Variants in PTPRB observed in about 807,000 individuals in gnomAD.
PTPRB encodes protein tyrosine phosphatase receptor type B.
PTPRB carries 97 observed loss-of-function variants against 238.1 expected under a neutral mutation model. The observed-to-expected ratio is 0.41, with a 90% confidence interval of 0.35 to 0.48. PTPRB has a LOEUF of 0.48. PTPRB is among the 20% of genes least tolerant of loss of function. PTPRB has a pLI of 0.30. For missense variants in PTPRB, 2,292 were observed against 2,681.9 expected (o/e 0.85, Z 3.21); for synonymous variants, 970 against 995.4 (o/e 0.97, Z 0.48).
intron 33 of PTPRB, among the ~76,000 whole-genome samples, chr12:70,523,814 C>G (rs1257900325): frequency 1.3e-5 from 2 of 151,726 alleles, no homozygotes; most frequent in Non-Finnish European, 2.9e-5. Flanking sequence ...CTCTCCTCTT[C>G]TTTTCTTTTC....
Position 70,593,859 on chromosome 12 carries a change from C to T in PTPRB, c.1516+608G>A, listed in dbSNP as rs143273403. Among the ~76,000 whole-genome samples, 255 of 152,284 alleles carry T rather than the reference C, an allele frequency of 1.7e-3. 3 individuals carry two copies. The East Asian group carries it at 0.036, about 22-fold the overall frequency. On this transcript the variant is annotated intron_variant, in intron 6 of 33. Coordinates refer to ENST00000334414, the MANE Select transcript of PTPRB (RefSeq NM_001109754.4). ...GCATTAGATTCTACTAAAATGTAAG[C>T]GCTGTGAGGGCAAAGACTTTGTCTC...
intron 31 of PTPRB, among the ~76,000 whole-genome samples, chr12:70,533,366 C>T (rs1395405593): frequency 6.6e-6 from 1 of 152,118 alleles, no homozygotes; most frequent in Non-Finnish European, 1.5e-5. Context: ...GAGATGAGTA[C>T]ACTTGGCATT....
intron 28 of PTPRB, 38 bp downstream of exon 28, chr12:70,538,117 G>A (rs1228076499): frequency 1.9e-6 from 3 of 1,553,004 alleles, no homozygotes; most frequent in Non-Finnish European, 2.6e-6. Context: ...ACCCACCAAA[G>A]CCTCATCCTG....
At chr12:70,524,390 C>T (rs1283999324) in intron 33 of PTPRB, 81 bp downstream of exon 33, 2 of 1,420,330 alleles carry the variant, frequency 1.4e-6, no homozygotes, top group East Asian at 2.6e-5. Context: ...GCTGGGATTA[C>T]AGGTGTAAGC....
Position 70,594,589 on chromosome 12 carries a change from A to G in PTPRB, c.1394T>C (p.Val465Ala), listed in dbSNP as rs754383150. The G allele has an allele frequency of 1.5e-5, 24 of 1,613,974 alleles. No homozygotes were observed. The South Asian group carries it at 2.5e-4, about 17-fold the overall frequency. Residue 465 changes from valine to alanine, a missense_variant, in exon 6 of 34, where the codon GTT becomes GCT. Coordinates refer to ENST00000334414, the MANE Select transcript of PTPRB (RefSeq NM_001109754.4). ...MDKGILVHGG[V>A]VDKHATSYAF... The stretch of plus-strand genomic sequence containing the variant: ...ATAGGAAGTAGCATGTTTGTCCACA[A>G]CACCGCCATGAACTAGGATCCCTTT...
chr12:70,552,465 C>G (rs1877018840), intron 21 of PTPRB, among the ~76,000 whole-genome samples: 1 of 119,442 alleles, frequency 8.4e-6, no homozygotes, highest in Non-Finnish European at 1.7e-5. Flanking sequence ...GTCTGGGCAA[C>G]AGAGTAAGAC....
At chr12:70,523,741 G>A (rs1871937086) in intron 33 of PTPRB, among the ~76,000 whole-genome samples, 3 of 152,064 alleles carry the variant, frequency 2.0e-5, no homozygotes, top group African/African-American at 7.2e-5. Context: ...TACATTGGAA[G>A]AGCTTTAGGT....
At chr12:70,527,544 C>T (rs1872604030) in intron 32 of PTPRB, 2 of 152,154 alleles carry the variant, frequency 1.3e-5, no homozygotes, top group Non-Finnish European at 2.9e-5. Context: ...CTGTGACTAT[C>T]ATCTATTGTT....
At chr12:70,523,059 C>T (rs541501344) in intron 33 of PTPRB, among the ~76,000 whole-genome samples, 10 of 151,404 alleles carry the variant, frequency 6.6e-5, no homozygotes, top group Non-Finnish European at 1.2e-4. Context: ...GATGGGGTTT[C>T]GTCATGTTGG....
At chr12:70,555,330 G>A (rs779951415) in intron 19 of PTPRB, 21 bp from the exon 20 acceptor site, 1 of 1,599,550 alleles carries the variant, frequency 6.3e-7, no homozygotes, top group Admixed American at 1.7e-5. Context: ...AGGTGGGGAA[G>A]GAACCAAGAG....
chr12:70,568,641 A>G (rs1045593671), intron 14 of PTPRB, among the ~76,000 whole-genome samples: 1 of 152,202 alleles, frequency 6.6e-6, no homozygotes, highest in Admixed American at 6.5e-5. Context: ...GGTTAAAGAT[A>G]TGCAGATATA....
At chr12:70,594,118 G>A (rs1463423390) in intron 6 of PTPRB, among the ~76,000 whole-genome samples, 2 of 152,174 alleles carry the variant, frequency 1.3e-5, no homozygotes, top group Non-Finnish European at 2.9e-5. Flanking sequence ...CATGGAGAAA[G>A]TAACTCTGGT....
chr12:70,521,616 C>G, intron 33 of PTPRB, 105 bp from the exon 34 acceptor site: 1 of 976,414 alleles, frequency 1.0e-6, no homozygotes, highest in South Asian at 2.2e-5. Flanking sequence ...AAACATATAG[C>G]TCAACCTAGT....
chr12:70,516,354 TA>T lies in PTPRB; in HGVS notation c.*5134del, dbSNP rs747347183. The T allele has an allele frequency of 6.6e-6, 1 of 152,186 alleles. No individual in the cohort carries two copies. The highest frequency in any genetic ancestry group is 1.5e-5 in the Non-Finnish European group (1 of 68,024). 9.4% of individuals were successfully genotyped at this position (152,186 alleles called of 1,614,324 possible). ...CACAAGGTAGGAGTCGAGACGAGAT[TA>T]AAGACTTGGTCCTTGTTCTTGAGGA... On this transcript the variant is annotated 3_prime_UTR_variant, in exon 34 of 34. Transcript: ENST00000334414.
At chr12:70,526,851 T>TAG (rs1872517077) in intron 32 of PTPRB, among the ~76,000 whole-genome samples, 1 of 152,180 alleles carries the variant, frequency 6.6e-6, no homozygotes, top group Non-Finnish European at 1.5e-5. Context: ...TATGGCCTAT[T>TAG]AATAAATTCT....
At position 70,621,996 on chromosome 12, in the gene PTPRB, AT is replaced by A. The variant is rs151104719; in HGVS notation, c.708+393del. 5.6e-4 allele frequency among the ~76,000 whole-genome samples: 85 copies of A among 152,304 alleles called. 2 individuals carry two copies. The highest frequency in any genetic ancestry group is 1.9e-3 in the African/African-American group (79 of 41,558). On this transcript the variant is annotated intron_variant, in intron 3 of 33. Coordinates refer to ENST00000334414, the MANE Select transcript of PTPRB (RefSeq NM_001109754.4). The stretch of plus-strand genomic sequence containing the variant: ...AATTATAGTGATTCTTGAATCTGCC[AT>A]TGCTTTAGTCTCTCTCCCTTCCTTT...
rs114269842 is a variant in PTPRB at position 70,530,372 on chromosome 12, A to T, written c.6504+1663T>A. Among the ~76,000 whole-genome samples the T allele has an allele frequency of 5.0e-4, 76 of 152,322 alleles. 1 individual carries two copies. The highest frequency in any genetic ancestry group is 1.3e-3 in the Admixed American group (20 of 15,292). On this transcript the variant is annotated intron_variant, in intron 32 of 33. Coordinates refer to ENST00000334414, the MANE Select transcript of PTPRB (RefSeq NM_001109754.4). ...CATGTACACACTTATATACCCGTAC[A>T]TATGTATATATGCAATATATGTAAT...
At chr12:70,525,687 C>G (rs1308128160) in intron 32 of PTPRB, among the ~76,000 whole-genome samples, 1 of 152,224 alleles carries the variant, frequency 6.6e-6, no homozygotes, top group African/African-American at 2.4e-5. Flanking sequence ...CTTCCTTATA[C>G]TCCGTGAGTT....
intron 28 of PTPRB, chr12:70,537,913 G>A (rs192048506): frequency 4.0e-5 from 17 of 428,882 alleles, no homozygotes; most frequent in African/African-American, 3.2e-4. Flanking sequence ...GCAGAGAGTA[G>A]ATGATCTATG....
Sources: gnomAD v4.1 joint callset for allele counts (sites outside exome capture counted in the v4.1 genomes callset) on GRCh38, gnomAD v4.1.1 for gene constraint, MANE v1.5 for transcripts, NCBI Gene and HGNC (gene_info 2026-07-23, HGNC 2026-07-21) for gene names.